Variants in ZNF143 observed in about 807,000 individuals in gnomAD.
ZNF143 encodes the protein SPH-binding factor.
In ZNF143, 49 loss-of-function variants were observed where a neutral mutation model predicts 74.1. The ratio of observed to expected loss-of-function variants is 0.66; its 90% CI spans 0.53 to 0.84. The LOEUF is 0.84. ZNF143 is among the 40% of genes least tolerant of loss of function. The pLI is 0.00. For missense variants in ZNF143, 637 were observed against 793.4 expected, an observed-to-expected ratio of 0.80 and a Z score of 2.37; for synonymous variants, 304 against 282.8, an observed-to-expected ratio of 1.07 and a Z score of -0.75.
intron 14 of ZNF143, among the ~76,000 whole-genome samples, chr11:9,521,585 G>A (rs767264909): frequency 6.7e-6 from 1 of 150,054 alleles, no homozygotes. Context: ...TTTTTTTGTT[G>A]TTGTTGTTGT....
chr11:9,505,461 G>A (rs1000582928), intron 11 of ZNF143, among the ~76,000 whole-genome samples: 1 of 151,900 alleles, frequency 6.6e-6, no homozygotes, highest in Non-Finnish European at 1.5e-5. Flanking sequence ...GTAGAGACAG[G>A]GTTTCACCAT....
In ZNF143 at chr11:9,482,741, G is replaced by A. The variant is rs1392096942; in HGVS notation, c.645+3195G>A. 2.7e-5 allele frequency among the ~76,000 whole-genome samples: 4 copies of A among 150,034 alleles called. 1 individual carries two copies. Among genetic ancestry groups the A allele is most frequent in the African/African-American group, 1.0e-4 (4 of 40,090 alleles). On this transcript the variant is annotated intron_variant, in intron 7 of 15. Coordinates refer to ENST00000396602, the MANE Select transcript of ZNF143 (RefSeq NM_003442.6). The stretch of plus-strand genomic sequence containing the variant: ...AGACTAGATCTGCAATGTCCAATAC[G>A]GTTGCCACTAGCCATATGTGGCTGT...
chr11:9,472,525 T>A, intron 2 of ZNF143, 152 bp from the exon 3 acceptor site: 1 of 633,370 alleles, frequency 1.6e-6, no homozygotes, highest in Non-Finnish European at 2.7e-6. Flanking sequence ...GTGCCGTGAT[T>A]ACAGGCGTGA....
chr11:9,472,410 C>T (rs1016708093), intron 2 of ZNF143, among the ~76,000 whole-genome samples: 1 of 152,142 alleles, frequency 6.6e-6, no homozygotes, highest in South Asian at 2.1e-4. Flanking sequence ...CATGCCACCG[C>T]GCCCGACTAA....
Position 9,501,161 on chromosome 11 carries a change from G to A in ZNF143, c.1038G>A (p.Val346=), listed in dbSNP as rs746129212. ...RSFTTSNIRK[V]HVRTHTGERP... is the part of the protein sequence containing the mutation. ...TTACAACATCAAATATCAGAAAAGT[G>A]CACGTTAGGACACACACAGGAGAAA... is the stretch of plus-strand genomic sequence containing the variant. The change falls in exon 11 of 16, where the codon GTG becomes GTA. Residue 346 remains valine (V), a synonymous_variant. Coordinates refer to ENST00000396602, the MANE Select transcript of ZNF143 (RefSeq NM_003442.6). The A allele has an allele frequency of 1.9e-6, 3 of 1,614,094 alleles. No individual in the cohort carries two copies. The highest frequency in any genetic ancestry group is 2.5e-6 in the Non-Finnish European group (3 of 1,180,052).
chr11:9,479,574 A>T, intron 7 of ZNF143, 28 bp downstream of exon 7: 1 of 1,587,264 alleles, frequency 6.3e-7, no homozygotes, highest in Non-Finnish European at 8.6e-7. Context: ...TTAATATAAA[A>T]ATCTAGCTTA....
At chr11:9,461,156 G>T in intron 1 of ZNF143, 80 bp downstream of exon 1, 1 of 888,242 alleles carries the variant, frequency 1.1e-6, no homozygotes. Context: ...GCGCGGGCCC[G>T]CTTGGGCCCG....
At chr11:9,519,069 TTATG>T (rs1302942126) in intron 14 of ZNF143, among the ~76,000 whole-genome samples, 1 of 152,184 alleles carries the variant, frequency 6.6e-6, no homozygotes, top group African/African-American at 2.4e-5. Flanking sequence ...ATTCAATGAG[TTATG>T]TTAAATATGC....
chr11:9,520,053 T>G (rs1413315100), intron 14 of ZNF143, among the ~76,000 whole-genome samples: 1 of 140,912 alleles, frequency 7.1e-6, no homozygotes, highest in Admixed American at 7.0e-5. Context: ...TTTTTTTTTT[T>G]TGAGACGGAA....
Position 9,527,654 on chromosome 11 carries a change from A to T in ZNF143, c.*41A>T. ...AGCAATAAAGCAGAAGGAGTCTTTC[A>T]TCTTCTGGCAGCAGAAATCCATGAA... On this transcript the variant is annotated 3_prime_UTR_variant, in exon 16 of 16. Coordinates refer to ENST00000396602, the MANE Select transcript of ZNF143 (RefSeq NM_003442.6). The T allele has an allele frequency of 6.3e-7, 1 of 1,575,936 alleles. No homozygotes were observed. Among genetic ancestry groups the T allele is most frequent in the Non-Finnish European group, 8.7e-7 (1 of 1,146,772 alleles).
intron 1 of ZNF143, chr11:9,463,775 G>T (rs145649343): frequency 6.6e-6 from 1 of 152,128 alleles, no homozygotes; most frequent in Non-Finnish European, 1.5e-5. Flanking sequence ...TCACAGAAAC[G>T]TGGCATGGCT....
At chr11:9,466,805 G>A (rs1363421904) in intron 1 of ZNF143, among the ~76,000 whole-genome samples, 2 of 151,958 alleles carry the variant, frequency 1.3e-5, no homozygotes, top group African/African-American at 2.4e-5. Context: ...AGACTGAAAC[G>A]ATGAGAATAT....
intron 11 of ZNF143, among the ~76,000 whole-genome samples, chr11:9,506,163 T>C (rs886236329): frequency 5.3e-5 from 8 of 152,056 alleles, no homozygotes; most frequent in African/African-American, 1.9e-4. Context: ...AAACCAATTC[T>C]CTACCAAAAA....
intron 7 of ZNF143, among the ~76,000 whole-genome samples, chr11:9,491,655 G>A (rs554117087): frequency 1.6e-4 from 24 of 152,072 alleles, no homozygotes; most frequent in African/African-American, 5.3e-4. Flanking sequence ...AAAAAGACAG[G>A]TGTCTCACTC....
chr11:9,479,776 A>G (rs1366336468), intron 7 of ZNF143, among the ~76,000 whole-genome samples: 3 of 152,182 alleles, frequency 2.0e-5, no homozygotes, highest in African/African-American at 4.8e-5. Context: ...ATCCAGGTGA[A>G]GCTTGTGTGC....
At chr11:9,499,734 T>G (rs973460153) in intron 10 of ZNF143, among the ~76,000 whole-genome samples, 3 of 152,138 alleles carry the variant, frequency 2.0e-5, no homozygotes, top group African/African-American at 7.2e-5. Flanking sequence ...TTAACAAACT[T>G]ACTATATATA....
In ZNF143 at chr11:9,474,135, C is replaced by T. The variant is rs1856745764; in HGVS notation, c.289+111C>T. On this transcript the variant is annotated intron_variant, in intron 4 of 15. Coordinates refer to ENST00000396602, the MANE Select transcript of ZNF143 (RefSeq NM_003442.6). ...AACTTGGTCTTGTTCTCAAGTCCTC[C>T]TTCTGTAAAGGGAGATTATAGATGC... 5.9e-6 allele frequency: 5 copies of T among 850,160 alleles called. No individual in the cohort carries two copies. The Admixed American group carries it at 7.8e-5, about 13-fold the overall frequency. The allele number at this position is 850,160 out of a possible 1,614,324, so 52.7% of individuals were successfully genotyped here. A position where few individuals can be genotyped will look rare whatever the true frequency, so the allele number is the denominator to read the frequency against.
Position 9,474,703 on chromosome 11 carries a change from T to C in ZNF143, c.373+70T>C, listed in dbSNP as rs560694262. On this transcript the variant is annotated intron_variant, in intron 5 of 15. Coordinates refer to ENST00000396602, the MANE Select transcript of ZNF143 (RefSeq NM_003442.6). Reference sequence around the variant, plus strand: ...AGTGGTGGGGGAAAGAAGACCTGTGTTTAGCTTCTGAATTGTTGTCATGGG... The same window carrying C: ...AGTGGTGGGGGAAAGAAGACCTGTGCTTAGCTTCTGAATTGTTGTCATGGG... 1.8e-5 allele frequency: 25 copies of C among 1,383,758 alleles called. No individual in the cohort carries two copies. The South Asian group carries it at 2.9e-4, about 16-fold the overall frequency. 85.7% of individuals were successfully genotyped at this position (1,383,758 alleles called of 1,614,324 possible).
intron 11 of ZNF143, among the ~76,000 whole-genome samples, chr11:9,502,056 C>G (rs1278768949): frequency 2.0e-5 from 3 of 147,244 alleles, no homozygotes; most frequent in Non-Finnish European, 3.0e-5. Flanking sequence ...CCCACCTCAG[C>G]CTCCCTAGTA....
Sources: allele counts gnomAD v4.1 joint callset (sites outside exome capture counted in the v4.1 genomes callset), GRCh38; gene constraint gnomAD v4.1.1; transcripts MANE v1.5; gene names NCBI Gene and HGNC (gene_info 2026-07-23, HGNC 2026-07-21).